The following CCDC102B variants were observed in gnomAD, a reference collection of about 807,000 sequenced individuals.
CCDC102B encodes coiled-coil domain containing 102B.
A neutral mutation model predicts 57.4 loss-of-function variants in CCDC102B; 75 were observed. The observed-to-expected ratio is 1.31, with a 90% confidence interval of 1.08 to 1.58. The LOEUF is 1.58. Among genes scored for constraint, CCDC102B ranks in the 40% most tolerant of loss-of-function variants. CCDC102B has a pLI of 0.00. For missense variants in CCDC102B, 636 were observed against 582.6 expected, an observed-to-expected ratio of 1.09 and a Z score of -0.94; for synonymous variants, 206 against 201.9, an observed-to-expected ratio of 1.02 and a Z score of -0.17.
At chr18:68,749,726 C>G (rs184692231) in intron 2 of CCDC102B, among the ~76,000 whole-genome samples, 13 of 152,122 alleles carry the variant, frequency 8.5e-5, no homozygotes, top group Middle Eastern at 3.4e-3. Context: ...CTGCAAACAG[C>G]GACAATTTGA....
chr18:68,899,471 A>G (rs2040361764), intron 6 of CCDC102B, among the ~76,000 whole-genome samples: 1 of 152,076 alleles, frequency 6.6e-6, no homozygotes. Context: ...TACCATGTCT[A>G]TATATGTACA....
chr18:68,810,727 A>T (rs1438090873), intron 1 of CCDC102B, among the ~76,000 whole-genome samples: 1 of 127,044 alleles, frequency 7.9e-6, no homozygotes, highest in Admixed American at 9.7e-5. Flanking sequence ...GTTCTAGGAT[A>T]CATGGCAGAA....
chr18:68,866,134 C>T (rs1051934087), intron 4 of CCDC102B, among the ~76,000 whole-genome samples: 1 of 151,912 alleles, frequency 6.6e-6, no homozygotes, highest in South Asian at 2.1e-4. Flanking sequence ...AATAATTATC[C>T]AAATATGTAC....
At chr18:68,942,207 T>C (rs1226005205) in intron 6 of CCDC102B, among the ~76,000 whole-genome samples, 1 of 152,112 alleles carries the variant, frequency 6.6e-6, no homozygotes. Context: ...CTCACAAATA[T>C]TTCAACTTTA....
chr18:68,735,539 A>G (rs1307110914), intron 2 of CCDC102B, among the ~76,000 whole-genome samples: 1 of 151,946 alleles, frequency 6.6e-6, no homozygotes, highest in African/African-American at 2.4e-5. Flanking sequence ...AGCTTTGTAA[A>G]TTTCTCTATG....
intron 4 of CCDC102B, among the ~76,000 whole-genome samples, chr18:68,857,418 A>C (rs968439220): frequency 7.8e-6 from 1 of 128,352 alleles, no homozygotes; most frequent in Non-Finnish European, 1.6e-5. Context: ...ATATATATTT[A>C]TATATAAACA....
chr18:69,011,713 T>A (rs1186553940), intron 7 of CCDC102B, among the ~76,000 whole-genome samples: 2 of 152,048 alleles, frequency 1.3e-5, no homozygotes, highest in Non-Finnish European at 2.9e-5. Context: ...CAGTCTTAAA[T>A]GTCACTGATT....
intron 6 of CCDC102B, among the ~76,000 whole-genome samples, chr18:68,904,979 T>C (rs1035513770): frequency 6.6e-6 from 1 of 152,154 alleles, no homozygotes; most frequent in Non-Finnish European, 1.5e-5. Flanking sequence ...GTGTGTTAAA[T>C]GCATAAGTTT....
At chr18:68,765,471 G>A (rs1296500769) in intron 2 of CCDC102B, among the ~76,000 whole-genome samples, 1 of 149,956 alleles carries the variant, frequency 6.7e-6, no homozygotes, top group East Asian at 2.1e-4. Flanking sequence ...GAGAGAGAAA[G>A]GAAGGAAGGA....
At chr18:68,889,322 G>T (rs2039994651) in intron 5 of CCDC102B, among the ~76,000 whole-genome samples, 1 of 152,202 alleles carries the variant, frequency 6.6e-6, no homozygotes, top group Non-Finnish European at 1.5e-5. Context: ...GAATACATCT[G>T]TGAGTCAGAA....
At chr18:69,001,226 C>T (rs1360560476) in intron 6 of CCDC102B, among the ~76,000 whole-genome samples, 3 of 152,120 alleles carry the variant, frequency 2.0e-5, no homozygotes, top group Admixed American at 2.0e-4. Flanking sequence ...GAAATATTGT[C>T]GTCTTTTCCC....
intron 7 of CCDC102B, among the ~76,000 whole-genome samples, chr18:69,012,846 T>G (rs543561818): frequency 1.3e-5 from 2 of 152,122 alleles, no homozygotes. Flanking sequence ...ACAAAACAAA[T>G]TTAACTTAGT....
At chr18:68,818,804 G>A (rs1416039869) in intron 1 of CCDC102B, among the ~76,000 whole-genome samples, 1 of 152,082 alleles carries the variant, frequency 6.6e-6, no homozygotes, top group Non-Finnish European at 1.5e-5. Context: ...TAGGAATAAT[G>A]TTGCTATGAC....
At chr18:68,972,528 T>A (rs550817504) in intron 6 of CCDC102B, among the ~76,000 whole-genome samples, 2 of 152,302 alleles carry the variant, frequency 1.3e-5, no homozygotes, top group East Asian at 3.9e-4. Context: ...CTCACCTGGT[T>A]CAAAACGATG....
intron 2 of CCDC102B, among the ~76,000 whole-genome samples, chr18:68,762,361 T>G (rs1002204224): frequency 8.5e-5 from 13 of 152,138 alleles, no homozygotes; most frequent in African/African-American, 3.1e-4. Context: ...TCCTTGACAC[T>G]TTTTAGCCTA....
chr18:68,860,130 T>G (rs368213687), intron 4 of CCDC102B, among the ~76,000 whole-genome samples: 80 of 60,850 alleles, frequency 1.3e-3, no homozygotes, highest in East Asian at 2.3e-3. Flanking sequence ...CCATAAAAAA[T>G]GATGAGCTCA....
chr18:68,935,302 G>A (rs1320132202), intron 6 of CCDC102B, among the ~76,000 whole-genome samples: 1 of 151,966 alleles, frequency 6.6e-6, no homozygotes, highest in African/African-American at 2.4e-5. Context: ...GTAAGGTTGA[G>A]AAGATGTGCT....
chr18:68,972,679 A>C (rs1402032602), intron 6 of CCDC102B, among the ~76,000 whole-genome samples: 2 of 152,194 alleles, frequency 1.3e-5, no homozygotes, highest in African/African-American at 4.8e-5. Context: ...ATTAGGTATG[A>C]ATAATGTAAT....
intron 6 of CCDC102B, among the ~76,000 whole-genome samples, chr18:68,911,642 C>G (rs1424713332): frequency 6.8e-6 from 1 of 146,122 alleles, no homozygotes; most frequent in South Asian, 2.2e-4. Flanking sequence ...GTCCCAGCTA[C>G]TCGAGAGGCT....
Sources: allele counts gnomAD v4.1 joint callset (sites outside exome capture counted in the v4.1 genomes callset), GRCh38; gene constraint gnomAD v4.1.1; transcripts MANE v1.5; gene names NCBI Gene and HGNC (gene_info 2026-07-23, HGNC 2026-07-21).